The following SLC25A33 variants were observed in gnomAD, a reference collection of about 807,000 sequenced individuals.
SLC25A33 encodes bone marrow stromal cell mitochondrial carrier protein.
A neutral mutation model predicts 35.5 loss-of-function variants in SLC25A33; 15 were observed. That is an observed-to-expected ratio of 0.42 (90% confidence interval 0.28 to 0.65). The LOEUF (loss-of-function observed/expected upper bound fraction) is 0.65. Among genes scored for constraint, SLC25A33 ranks in the 30% least tolerant of loss-of-function variants. The pLI is 0.20. For synonymous variants in SLC25A33, 136 were observed against 148.7 expected (o/e 0.91, Z 0.62); for missense variants, 257 against 398.5 (o/e 0.64, Z 3.02).
At position 9,558,988 on chromosome 1, in the gene SLC25A33, TC is replaced by T. The variant is rs2100387463; in HGVS notation, c.236+5187del. 2.0e-5 allele frequency among the ~76,000 whole-genome samples: 3 copies of T among 152,254 alleles called. No homozygotes were observed. The South Asian group carries it at 6.2e-4, about 32-fold the overall frequency. On this transcript the variant is annotated intron_variant, in intron 2 of 6. Coordinates refer to ENST00000302692, the MANE Select transcript of SLC25A33 (RefSeq NM_032315.3). ...ACTTCTGACTTTTCATCTCCTATTTTCCCCTTTGCCTCTCCAGCCTCCTTTT... is the reference window on the plus strand; with the variant it reads ...ACTTCTGACTTTTCATCTCCTATTTTCCCTTTGCCTCTCCAGCCTCCTTTT...
At chr1:9,570,164 C>T in intron 3 of SLC25A33, 94 bp from the exon 4 acceptor site, 1 of 1,075,716 alleles carries the variant, frequency 9.3e-7, no homozygotes, top group Non-Finnish European at 1.4e-6. Context: ...GCATCTTTCC[C>T]ATTTTATTTT....
chr1:9,550,373 T>G (rs116402458), intron 1 of SLC25A33, among the ~76,000 whole-genome samples: 1,749 of 152,134 alleles, frequency 0.011, 32 homozygotes, highest in African/African-American at 0.039. Flanking sequence ...GCCAAAGTAA[T>G]GAGTGCAGTT....
At position 9,582,238 on chromosome 1, in the gene SLC25A33, G is replaced by A. The variant is rs1643755750; in HGVS notation, c.764-61G>A. On this transcript the variant is annotated intron_variant, in intron 6 of 6. Transcript: ENST00000302692. The surrounding 1 kb of genome is among the most constrained non-coding windows in gnomAD (Gnocchi z 4.0). ...CTAACCTTGACAGTTTTAAAGTTGT[G>A]TGCTGTGGATTCGTTCCCCATTTAA... 3.2e-6 allele frequency: 5 copies of A among 1,570,886 alleles called. No homozygotes were observed. Among genetic ancestry groups the A allele is most frequent in the Non-Finnish European group, 4.4e-6 (5 of 1,141,416 alleles).
At position 9,573,357 on chromosome 1, in the gene SLC25A33, A is replaced by G. The variant is rs1456794669; in HGVS notation, c.427A>G (p.Asn143Asp). 8 of 1,609,062 alleles carry G rather than the reference A, an allele frequency of 5.0e-6. No individual in the cohort carries two copies. The highest frequency in any genetic ancestry group is 1.3e-5 in the African/African-American group (1 of 74,498). ...FSAGSAAFIT[N>D]SLMNPIWMVK... The stretch of plus-strand genomic sequence containing the variant: ...TTTTTTTTTTCCAGCTTTTATCACA[A>G]ATTCCTTAATGAATCCTATATGGAT... The change falls in exon 5 of 7, where the codon AAT becomes GAT. Residue 143 changes from asparagine (N) to aspartate (D), a missense_variant. Physicochemically the swap from Asn to Asp is conservative, Grantham distance 23. Coordinates refer to ENST00000302692, the MANE Select transcript of SLC25A33 (RefSeq NM_032315.3).
chr1:9,584,811 C>T lies in SLC25A33; in HGVS notation c.*2310C>T, dbSNP rs1416819138. The T allele has an allele frequency of 6.6e-6, 1 of 152,180 alleles. No individual in the cohort carries two copies. Among genetic ancestry groups the T allele is most frequent in the Non-Finnish European group, 1.5e-5 (1 of 68,040 alleles). The allele number at this position is 152,180 out of a possible 1,614,324, so 9.4% of individuals were successfully genotyped here. A position where few individuals can be genotyped will look rare whatever the true frequency, so the allele number is the denominator to read the frequency against. On this transcript the variant is annotated 3_prime_UTR_variant, in exon 7 of 7. Coordinates refer to ENST00000302692, the MANE Select transcript of SLC25A33 (RefSeq NM_032315.3). ...CTCACTGTAACCTCAAACTCCTGGG[C>T]ACAAGGGATCCTCGCATCTCAGCCT...
At chr1:9,581,688 C>T (rs1425791119) in intron 6 of SLC25A33, among the ~76,000 whole-genome samples, 1 of 149,174 alleles carries the variant, frequency 6.7e-6, no homozygotes, top group African/African-American at 2.5e-5. Context: ...AAGATCGTAC[C>T]GACTGCACTC....
intron 1 of SLC25A33, among the ~76,000 whole-genome samples, chr1:9,547,918 C>T (rs1254138002): frequency 6.6e-6 from 1 of 151,550 alleles, no homozygotes; most frequent in Non-Finnish European, 1.5e-5. Flanking sequence ...GGGGTATGAT[C>T]ACTGCTCACT....
intron 1 of SLC25A33, 38 bp downstream of exon 1, chr1:9,539,785 T>C: frequency 7.5e-7 from 1 of 1,332,092 alleles, no homozygotes; most frequent in East Asian, 3.3e-5. Flanking sequence ...CCCCACCGCC[T>C]GCGGTCCCCT....
intron 2 of SLC25A33, among the ~76,000 whole-genome samples, chr1:9,562,936 T>TTG (rs1491029905): frequency 4.8e-5 from 7 of 146,410 alleles, no homozygotes; most frequent in Non-Finnish European, 1.5e-5. Flanking sequence ...TTTTTTTTTT[T>TTG]GAGGCAGAAT....
chr1:9,573,013 T>C (rs1233804666), intron 4 of SLC25A33, among the ~76,000 whole-genome samples: 2 of 152,186 alleles, frequency 1.3e-5, no homozygotes, highest in Non-Finnish European at 2.9e-5. Context: ...TTTCTGGATC[T>C]GAGGCTTATA....
At chr1:9,543,024 G>T (rs937642340) in intron 1 of SLC25A33, among the ~76,000 whole-genome samples, 1 of 152,122 alleles carries the variant, frequency 6.6e-6, no homozygotes, top group Admixed American at 6.6e-5. Context: ...TGCCACGTTG[G>T]CTAGGCTGGT....
chr1:9,573,974 TTTGTTGTTG>T (rs372493170), intron 5 of SLC25A33, among the ~76,000 whole-genome samples: 7 of 151,986 alleles, frequency 4.6e-5, no homozygotes, highest in African/African-American at 1.7e-4. Flanking sequence ...TTTTTGTTTT[TTTGTTGTTG>T]TTGTTGTTGT....
intron 5 of SLC25A33, chr1:9,576,793 A>G: frequency 8.2e-7 from 1 of 1,213,650 alleles, no homozygotes; most frequent in Non-Finnish European, 1.2e-6. Flanking sequence ...CAGGGTTCAG[A>G]TGAGACCAGG....
In SLC25A33 at chr1:9,583,170, A is replaced by T. The variant is rs1643767229; in HGVS notation, c.*669A>T. The T allele has an allele frequency of 6.6e-6, 1 of 152,210 alleles. No individual in the cohort carries two copies. The highest frequency in any genetic ancestry group is 1.5e-5 in the Non-Finnish European group (1 of 68,036). The allele number at this position is 152,210 out of a possible 1,614,324, so 9.4% of individuals were successfully genotyped here. On this transcript the variant is annotated 3_prime_UTR_variant, in exon 7 of 7. Transcript: ENST00000302692. Reference sequence around the variant, plus strand: ...GGGGCAGAGGTTGCAGCGAGCTGAGATCACGTCACTTCACTCCAGCCTGGT... The same window carrying T: ...GGGGCAGAGGTTGCAGCGAGCTGAGTTCACGTCACTTCACTCCAGCCTGGT...
In SLC25A33 at chr1:9,568,215, G is replaced by A. The variant is rs144042514; in HGVS notation, c.314+854G>A. Among the ~76,000 whole-genome samples the A allele has an allele frequency of 6.8e-3, 1,031 of 152,242 alleles. 10 individuals are homozygous for A. The highest frequency in any genetic ancestry group is 0.024 in the African/African-American group (985 of 41,528). On this transcript the variant is annotated intron_variant, in intron 3 of 6. Coordinates refer to ENST00000302692, the MANE Select transcript of SLC25A33 (RefSeq NM_032315.3). ...CCAGCACTTTGGGAGGCTGAGGCAG[G>A]TGGATCACCAGAGGTCAGGAATTGG...
At chr1:9,539,867 G>A in intron 1 of SLC25A33, 120 bp downstream of exon 1, 11 of 957,970 alleles carry the variant, frequency 1.1e-5, no homozygotes, top group Non-Finnish European at 1.3e-5. Context: ...CGGCGCCGGC[G>A]CTCGGGAGGA....
intron 2 of SLC25A33, among the ~76,000 whole-genome samples, chr1:9,559,855 T>A (rs1643397069): frequency 1.3e-5 from 2 of 152,180 alleles, no homozygotes; most frequent in South Asian, 4.1e-4. Context: ...AGGGTCTTTA[T>A]CTAGTAAGTG....
At chr1:9,576,849 T>G (rs1316069376) in intron 5 of SLC25A33, 1 of 1,240,398 alleles carries the variant, frequency 8.1e-7, no homozygotes, top group Non-Finnish European at 1.2e-6. Flanking sequence ...AATTTAATCC[T>G]TGAAGGAAAT....
chr1:9,540,129 G>T (rs1643055906), intron 1 of SLC25A33, among the ~76,000 whole-genome samples: 1 of 152,184 alleles, frequency 6.6e-6, no homozygotes, highest in South Asian at 2.1e-4. Flanking sequence ...CCGAAGCGCA[G>T]CGCCTCAGAG....
Sources: gnomAD v4.1 joint callset for allele counts (sites outside exome capture counted in the v4.1 genomes callset) on GRCh38, gnomAD v4.1.1 for gene constraint, Gnocchi (gnomAD v3.1) non-coding constraint, MANE v1.5 for transcripts, NCBI Gene and HGNC (gene_info 2026-07-23, HGNC 2026-07-21) for gene names.